PCSK2: variants seen among roughly 807,000 people sequenced by gnomAD.
PCSK2 encodes proprotein convertase subtilisin/kexin type 2.
PCSK2 carries 14 observed loss-of-function variants against 69.7 expected under a neutral mutation model. The ratio of observed to expected loss-of-function variants is 0.20; its 90% CI spans 0.13 to 0.31. The LOEUF (loss-of-function observed/expected upper bound fraction) is 0.31. Among genes scored for constraint, PCSK2 ranks in the 10% least tolerant of loss-of-function variants. The probability of loss-of-function intolerance (pLI) is 1.00; values close to 1 mark genes in which losing one functional copy is unlikely to be tolerated. For synonymous variants in PCSK2, 307 were observed against 320.7 expected (o/e 0.96, Z 0.46); for missense variants, 544 against 842.5 (o/e 0.65, Z 4.39).
intron 1 of PCSK2, among the ~76,000 whole-genome samples, chr20:17,233,427 A>T (rs1468978590): frequency 6.6e-6 from 1 of 152,190 alleles, no homozygotes. Flanking sequence ...TGAGGGAGTG[A>T]CAACTGATTG....
At chr20:17,384,721 C>A (rs1314050519) in intron 5 of PCSK2, among the ~76,000 whole-genome samples, 1 of 151,924 alleles carries the variant, frequency 6.6e-6, no homozygotes, top group Non-Finnish European at 1.5e-5. Flanking sequence ...ATTGCTTGAG[C>A]CAGGGGTTTG....
In PCSK2 at chr20:17,436,628, G is replaced by T; in HGVS notation, c.710-80G>T. On this transcript the variant is annotated intron_variant, in intron 7 of 11. Transcript: ENST00000262545. ...TCTCCAACCATTCCAAGTACCCAGG[G>T]CCCAAGCCCTCCTCCACCTCCTTGT... 3.2e-6 allele frequency: 4 copies of T among 1,258,590 alleles called. 1 individual carries two copies. The South Asian group carries it at 5.5e-5, about 17-fold the overall frequency. 78.0% of individuals were successfully genotyped at this position (1,258,590 alleles called of 1,614,324 possible).
intron 4 of PCSK2, among the ~76,000 whole-genome samples, chr20:17,361,519 A>G (rs981491838): frequency 6.6e-6 from 1 of 152,222 alleles, no homozygotes; most frequent in African/African-American, 2.4e-5. Context: ...GCCAGCAAAA[A>G]GCTCTACTGT....
intron 8 of PCSK2, among the ~76,000 whole-genome samples, chr20:17,448,543 G>T (rs866555988): frequency 6.6e-6 from 1 of 152,090 alleles, no homozygotes; most frequent in African/African-American, 2.4e-5. Flanking sequence ...ACTGAGCAGG[G>T]TTTCTCAGCC....
chr20:17,253,555 T>A (rs556334653), intron 1 of PCSK2, among the ~76,000 whole-genome samples: 1 of 152,358 alleles, frequency 6.6e-6, no homozygotes, highest in Non-Finnish European at 1.5e-5. Flanking sequence ...TCCTTTCCAT[T>A]TAGAAATAAT....
At chr20:17,249,553 T>C (rs1274423080) in intron 1 of PCSK2, among the ~76,000 whole-genome samples, 1 of 149,954 alleles carries the variant, frequency 6.7e-6, no homozygotes, top group Non-Finnish European at 1.5e-5. Context: ...GGTACACCTA[T>C]GTTCATGGCA....
intron 2 of PCSK2, among the ~76,000 whole-genome samples, chr20:17,325,554 A>G (rs1450743086): frequency 6.6e-6 from 1 of 152,344 alleles, no homozygotes; most frequent in East Asian, 1.9e-4. Context: ...ATGGTAGGTC[A>G]TATCTCAATT....
At chr20:17,328,474 A>G (rs1990124645) in intron 2 of PCSK2, among the ~76,000 whole-genome samples, 1 of 150,180 alleles carries the variant, frequency 6.7e-6, no homozygotes, top group African/African-American at 2.4e-5. Flanking sequence ...AATTATATGC[A>G]ATTTTATATA....
At chr20:17,282,324 A>C (rs1441298568) in intron 2 of PCSK2, among the ~76,000 whole-genome samples, 1 of 152,136 alleles carries the variant, frequency 6.6e-6, no homozygotes, top group Non-Finnish European at 1.5e-5. Context: ...ATGTATGTTA[A>C]TATCAAAGGG....
intron 2 of PCSK2, among the ~76,000 whole-genome samples, chr20:17,303,255 AT>A (rs1410027933): frequency 2.1e-5 from 3 of 140,272 alleles, no homozygotes; most frequent in African/African-American, 7.9e-5. Context: ...ATTATATATA[AT>A]ATATATTAGT....
chr20:17,259,649 A>G (rs1474600625), intron 1 of PCSK2, among the ~76,000 whole-genome samples: 1 of 152,176 alleles, frequency 6.6e-6, no homozygotes, highest in Non-Finnish European at 1.5e-5. Flanking sequence ...TTCTGACCTG[A>G]TTTCAAGGAT....
chr20:17,227,581 C>T, intron 1 of PCSK2, 99 bp downstream of exon 1: 1 of 851,260 alleles, frequency 1.2e-6, no homozygotes, highest in Non-Finnish European at 1.9e-6. Flanking sequence ...TTCTCTCTTT[C>T]TCATGCGATG....
chr20:17,437,966 T>C (rs2032518781), intron 8 of PCSK2, among the ~76,000 whole-genome samples: 1 of 149,944 alleles, frequency 6.7e-6, no homozygotes, highest in South Asian at 2.1e-4. Context: ...AGGCCTGTCC[T>C]GGCTGCCAGG....
intron 2 of PCSK2, among the ~76,000 whole-genome samples, chr20:17,274,490 C>T (rs1259427557): frequency 6.6e-6 from 1 of 152,170 alleles, no homozygotes; most frequent in African/African-American, 2.4e-5. Context: ...GACCTGGTAG[C>T]TTCTACTCCT....
chr20:17,321,978 A>T (rs1989882273), intron 2 of PCSK2, among the ~76,000 whole-genome samples: 1 of 152,128 alleles, frequency 6.6e-6, no homozygotes, highest in Admixed American at 6.5e-5. Context: ...TCTCTGCTAC[A>T]GTACCTGGCA....
At chr20:17,388,699 G>A (rs905673383) in intron 5 of PCSK2, among the ~76,000 whole-genome samples, 4 of 151,968 alleles carry the variant, frequency 2.6e-5, no homozygotes, top group Non-Finnish European at 2.9e-5. Context: ...TTAAAGCCTC[G>A]CTCCACCACC....
chr20:17,437,028 G>T, intron 8 of PCSK2, 145 bp downstream of exon 8: 2 of 693,016 alleles, frequency 2.9e-6, no homozygotes, highest in Non-Finnish European at 4.6e-6. Context: ...GCTTAGCCAT[G>T]CAGGAGGCTG....
intron 5 of PCSK2, among the ~76,000 whole-genome samples, chr20:17,408,924 G>T (rs974004543): frequency 2.6e-5 from 4 of 152,178 alleles, no homozygotes; most frequent in Non-Finnish European, 5.9e-5. Flanking sequence ...GATTAAGGAA[G>T]CTTACCCTAC....
intron 2 of PCSK2, among the ~76,000 whole-genome samples, chr20:17,316,745 G>C (rs934672853): frequency 6.6e-6 from 1 of 152,200 alleles, no homozygotes; most frequent in Non-Finnish European, 1.5e-5. Context: ...CTGATACTGT[G>C]ATGTGTGATG....
Sources: allele counts gnomAD v4.1 joint callset (sites outside exome capture counted in the v4.1 genomes callset), GRCh38; gene constraint gnomAD v4.1.1; transcripts MANE v1.5; gene names NCBI Gene and HGNC (gene_info 2026-07-23, HGNC 2026-07-21).